The following MTA3 variants were observed in gnomAD, a reference collection of about 807,000 sequenced individuals.
MTA3 encodes the protein metastasis associated 1 family member 3.
MTA3 carries 34 observed loss-of-function variants against 83.5 expected under a neutral mutation model. The observed-to-expected ratio is 0.41, with a 90% CI of 0.31 to 0.54. The LOEUF (loss-of-function observed/expected upper bound fraction) is 0.54. Among genes scored for constraint, MTA3 ranks in the 20% least tolerant of loss-of-function variants. The pLI is 0.33. For synonymous variants in MTA3, 303 were observed against 252.7 expected (o/e 1.20, Z -1.89); for missense variants, 761 against 726.4 (o/e 1.05, Z -0.55).
At chr2:42,691,366 G>A (rs1311594526) in intron 9 of MTA3, among the ~76,000 whole-genome samples, 8 of 151,902 alleles carry the variant, frequency 5.3e-5, no homozygotes, top group East Asian at 1.9e-4. Context: ...TTAGAACATC[G>A]TACACACACA....
At position 42,736,883 on chromosome 2, in the gene MTA3, G is replaced by A. The variant is rs116043313; in HGVS notation, c.1759+13848G>A. On this transcript the variant is annotated intron_variant, in intron 16 of 16. Transcript: ENST00000405094. ...TGGATCCTTCCCTTCAAGGCAGTGG[G>A]CTTTCTTCCTGCTTGAAGTGTGTTT... Among the ~76,000 whole-genome samples the A allele has an allele frequency of 1.9e-3, 295 of 152,298 alleles. 3 individuals are homozygous for A. The highest frequency in any genetic ancestry group is 6.7e-3 in the African/African-American group (279 of 41,574).
chr2:42,685,666 C>T (rs1312031985), intron 9 of MTA3, among the ~76,000 whole-genome samples: 2 of 152,144 alleles, frequency 1.3e-5, no homozygotes, highest in African/African-American at 4.8e-5. Context: ...CCCCTTAGGT[C>T]ATGGTTGTTG....
intron 2 of MTA3, among the ~76,000 whole-genome samples, chr2:42,524,479 T>TG (rs1558413222): frequency 2.6e-5 from 3 of 114,764 alleles, no homozygotes; most frequent in South Asian, 3.2e-4. Flanking sequence ...TGTGTTTTTT[T>TG]TTTTTTTTTT....
intron 16 of MTA3, among the ~76,000 whole-genome samples, chr2:42,729,495 A>G (rs1205171574): frequency 6.6e-6 from 1 of 152,200 alleles, no homozygotes; most frequent in African/African-American, 2.4e-5. Context: ...TATTCTGCAT[A>G]TGGCTATCCA....
chr2:42,560,285 G>A (rs1054703726), intron 2 of MTA3, among the ~76,000 whole-genome samples: 1 of 151,050 alleles, frequency 6.6e-6, no homozygotes, highest in African/African-American at 2.4e-5. Flanking sequence ...GCCTCCCAAA[G>A]TGCGTGAGGC....
chr2:42,611,454 C>G (rs939142963), intron 4 of MTA3, among the ~76,000 whole-genome samples: 1 of 152,110 alleles, frequency 6.6e-6, no homozygotes, highest in African/African-American at 2.4e-5. Context: ...ACTGGAATTT[C>G]TTTGTCTCCA....
chr2:42,709,534 A>G (rs771542750), intron 14 of MTA3: 5 of 160,406 alleles, frequency 3.1e-5, no homozygotes, highest in Admixed American at 2.5e-4. Flanking sequence ...AAATTTGCCA[A>G]TTTACACTAA....
At chr2:42,599,360 C>T (rs537487367) in intron 3 of MTA3, among the ~76,000 whole-genome samples, 6 of 152,154 alleles carry the variant, frequency 3.9e-5, no homozygotes, top group Admixed American at 2.6e-4. Flanking sequence ...TTTGGGAGGC[C>T]GAGGCGGGTG....
intron 2 of MTA3, among the ~76,000 whole-genome samples, chr2:42,555,632 G>C (rs913303875): frequency 2.6e-5 from 4 of 151,628 alleles, no homozygotes; most frequent in East Asian, 1.9e-4. Context: ...GCCAGGTGTG[G>C]TGGCAGGCGC....
intron 6 of MTA3, among the ~76,000 whole-genome samples, chr2:42,647,287 A>G (rs1412785825): frequency 2.6e-5 from 4 of 151,434 alleles, no homozygotes; most frequent in African/African-American, 9.7e-5. Context: ...GCAGTGGCAC[A>G]ATCTTGGCTC....
At chr2:42,632,091 G>GT (rs35447248) in intron 4 of MTA3, among the ~76,000 whole-genome samples, 91,862 of 125,180 alleles carry the variant, frequency 0.73, 34,163 homozygotes, top group South Asian at 0.88. Context: ...CAGCTGCTGG[G>GT]TTTTTTTTTT....
intron 16 of MTA3, among the ~76,000 whole-genome samples, chr2:42,724,425 G>A (rs528323720): frequency 1.3e-4 from 19 of 151,888 alleles, no homozygotes; most frequent in African/African-American, 4.6e-4. Flanking sequence ...TGAAGCAGGA[G>A]GATCACTTGA....
At chr2:42,722,726 C>A (rs780183498) in intron 15 of MTA3, among the ~76,000 whole-genome samples, 163 bp from the exon 16 acceptor site, 7 of 152,124 alleles carry the variant, frequency 4.6e-5, no homozygotes, top group Admixed American at 1.3e-4. Context: ...AAAGCCATGG[C>A]AACAACACTT....
chr2:42,723,064 G>T, intron 16 of MTA3, 29 bp downstream of exon 16: 1 of 1,548,214 alleles, frequency 6.5e-7, no homozygotes. Context: ...TCTGGAGGCT[G>T]TTCTGATAGA....
At chr2:42,735,709 G>A (rs897763348) in intron 16 of MTA3, among the ~76,000 whole-genome samples, 7 of 152,228 alleles carry the variant, frequency 4.6e-5, no homozygotes, top group African/African-American at 1.7e-4. Flanking sequence ...TCTTCAAGCT[G>A]ACTAATTCTT....
At chr2:42,649,916 A>T (rs1009457690) in intron 6 of MTA3, among the ~76,000 whole-genome samples, 2 of 152,218 alleles carry the variant, frequency 1.3e-5, no homozygotes, top group African/African-American at 4.8e-5. Flanking sequence ...GCGGACCTTT[A>T]TGCTTGGCGC....
At chr2:42,544,973 C>A (rs1199657927) in intron 2 of MTA3, among the ~76,000 whole-genome samples, 1 of 152,186 alleles carries the variant, frequency 6.6e-6, no homozygotes, top group African/African-American at 2.4e-5. Flanking sequence ...ACAGCCCATT[C>A]TTTGAACAAC....
chr2:42,705,158 C>T (rs1665964804), intron 12 of MTA3, among the ~76,000 whole-genome samples: 1 of 152,056 alleles, frequency 6.6e-6, no homozygotes. Flanking sequence ...TCGATTGATC[C>T]CAAGGAAGGT....
At chr2:42,726,228 A>G (rs1420135853) in intron 16 of MTA3, among the ~76,000 whole-genome samples, 1 of 152,194 alleles carries the variant, frequency 6.6e-6, no homozygotes, top group East Asian at 1.9e-4. Context: ...AAGAAACTGA[A>G]TTGGAAACAA....
Sources: gnomAD v4.1 joint callset for allele counts (sites outside exome capture counted in the v4.1 genomes callset) on GRCh38, gnomAD v4.1.1 for gene constraint, MANE v1.5 for transcripts, NCBI Gene and HGNC (gene_info 2026-07-23, HGNC 2026-07-21) for gene names.